Variants in LTBP1 observed in about 807,000 individuals in gnomAD.
LTBP1 encodes latent transforming growth factor beta binding protein 1.
A neutral mutation model predicts 207.6 loss-of-function variants in LTBP1; 129 were observed. The observed-to-expected ratio is 0.62, with a 90% confidence interval of 0.54 to 0.72. LTBP1 has a LOEUF of 0.72. LTBP1 is among the 30% of genes least tolerant of loss of function. LTBP1 has a pLI of 0.00. For missense variants in LTBP1, 2,281 were observed against 2,217.2 expected, an observed-to-expected ratio of 1.03 and a Z score of -0.58; for synonymous variants, 963 against 833.7, an observed-to-expected ratio of 1.16 and a Z score of -2.67.
chr2:33,143,813 T>C (rs1380410863), intron 5 of LTBP1, among the ~76,000 whole-genome samples: 2 of 151,630 alleles, frequency 1.3e-5, no homozygotes, highest in African/African-American at 2.4e-5. Context: ...TTTCCTATTA[T>C]ACCTCTAGTC....
intron 2 of LTBP1, among the ~76,000 whole-genome samples, chr2:32,993,241 A>C (rs1362295399): frequency 6.6e-6 from 1 of 152,060 alleles, no homozygotes; most frequent in Non-Finnish European, 1.5e-5. Context: ...GGTATGTGGA[A>C]AGCAGCCAGC....
At chr2:32,965,446 A>G (rs1271777665) in intron 2 of LTBP1, among the ~76,000 whole-genome samples, 2 of 152,154 alleles carry the variant, frequency 1.3e-5, no homozygotes, top group Admixed American at 6.5e-5. Flanking sequence ...GAATAGTTTC[A>G]CTGCCCTAAA....
At chr2:32,961,526 T>C (rs757454553) in intron 2 of LTBP1, among the ~76,000 whole-genome samples, 7 of 151,184 alleles carry the variant, frequency 4.6e-5, no homozygotes, top group Non-Finnish European at 8.8e-5. Flanking sequence ...TTTGGAACAT[T>C]TGTATGCTCT....
At chr2:33,093,422 C>T (rs946623812) in intron 3 of LTBP1, among the ~76,000 whole-genome samples, 1 of 152,028 alleles carries the variant, frequency 6.6e-6, no homozygotes. Context: ...AAAAAAATTA[C>T]ACAATTGGAA....
At chr2:33,158,142 A>C (rs1340346894) in intron 5 of LTBP1, among the ~76,000 whole-genome samples, 2 of 117,296 alleles carry the variant, frequency 1.7e-5, no homozygotes, top group African/African-American at 3.0e-5. Context: ...TGTCTCAAAA[A>C]AAAAACAAAA....
chr2:33,274,339 T>TC (rs1491155898), intron 16 of LTBP1, among the ~76,000 whole-genome samples: 4 of 48,392 alleles, frequency 8.3e-5, no homozygotes, highest in African/African-American at 1.8e-4. Flanking sequence ...TTAATTTCTC[T>TC]TTTTTTTTTT....
At chr2:33,017,685 C>T (rs756306405) in intron 2 of LTBP1, among the ~76,000 whole-genome samples, 5 of 152,166 alleles carry the variant, frequency 3.3e-5, no homozygotes, top group African/African-American at 9.7e-5. Flanking sequence ...GGCGCTATCT[C>T]GGCTCACTGC....
intron 7 of LTBP1, among the ~76,000 whole-genome samples, chr2:33,206,461 C>G (rs2089885685): frequency 6.6e-6 from 1 of 152,220 alleles, no homozygotes; most frequent in South Asian, 2.1e-4. Flanking sequence ...GCATTGGAGG[C>G]CAGGCACAGT....
chr2:33,328,605 A>G (rs1376724239), intron 24 of LTBP1, among the ~76,000 whole-genome samples: 1 of 152,128 alleles, frequency 6.6e-6, no homozygotes, highest in Non-Finnish European at 1.5e-5. Context: ...GTCTCATGAG[A>G]CTTACTCACT....
chr2:33,072,290 A>G (rs1041221214), intron 3 of LTBP1, among the ~76,000 whole-genome samples: 14 of 152,332 alleles, frequency 9.2e-5, no homozygotes, highest in Non-Finnish European at 1.8e-4. Flanking sequence ...ACCACCCTCC[A>G]GGCACCTCCA....
chr2:33,035,429 C>G (rs2075875307), intron 3 of LTBP1, among the ~76,000 whole-genome samples: 1 of 152,150 alleles, frequency 6.6e-6, no homozygotes, highest in Non-Finnish European at 1.5e-5. Flanking sequence ...TTTTCATAGG[C>G]TAAACTGTGT....
At chr2:33,043,310 C>T (rs2076283649) in intron 3 of LTBP1, among the ~76,000 whole-genome samples, 1 of 151,810 alleles carries the variant, frequency 6.6e-6, no homozygotes, top group Non-Finnish European at 1.5e-5. Context: ...AATAATTGGT[C>T]AAGAATTTTT....
chr2:33,018,867 A>AT (rs200416811), intron 2 of LTBP1, among the ~76,000 whole-genome samples: 11,581 of 146,724 alleles, frequency 0.079, 797 homozygotes, highest in East Asian at 0.28. Flanking sequence ...AGCTGGCTCC[A>AT]TTTTTTTTTT....
At chr2:33,183,908 G>A (rs1045926097) in intron 5 of LTBP1, among the ~76,000 whole-genome samples, 1 of 152,120 alleles carries the variant, frequency 6.6e-6, no homozygotes, top group African/African-American at 2.4e-5. Flanking sequence ...GTTTTGACTT[G>A]ATCTGCAGCC....
At chr2:33,038,432 A>C (rs1010872057) in intron 3 of LTBP1, among the ~76,000 whole-genome samples, 25 of 152,340 alleles carry the variant, frequency 1.6e-4, no homozygotes, top group African/African-American at 5.8e-4. Flanking sequence ...TAATCTAGGC[A>C]TCCAGAAATG....
chr2:33,176,571 T>C (rs956228614), intron 5 of LTBP1, among the ~76,000 whole-genome samples: 1 of 152,178 alleles, frequency 6.6e-6, no homozygotes, highest in Non-Finnish European at 1.5e-5. Context: ...TTGACGTTAT[T>C]GATTGACATA....
At chr2:33,381,385 A>G (rs2095212934) in intron 31 of LTBP1, among the ~76,000 whole-genome samples, 1 of 152,172 alleles carries the variant, frequency 6.6e-6, no homozygotes, top group African/African-American at 2.4e-5. Context: ...TCTGGGAGTA[A>G]CTAAAATGAG....
intron 3 of LTBP1, among the ~76,000 whole-genome samples, chr2:33,053,335 A>T (rs1328151884): frequency 1.3e-5 from 2 of 152,198 alleles, no homozygotes; most frequent in African/African-American, 4.8e-5. Flanking sequence ...GCTACAAATG[A>T]TGAACCTACA....
At chr2:33,072,421 C>T (rs1183123466) in intron 3 of LTBP1, among the ~76,000 whole-genome samples, 2 of 152,190 alleles carry the variant, frequency 1.3e-5, no homozygotes, top group Non-Finnish European at 2.9e-5. Context: ...TCCAGATTCT[C>T]AGCCTCTCTG....
Sources: gnomAD v4.1 joint callset for allele counts (sites outside exome capture counted in the v4.1 genomes callset) on GRCh38, gnomAD v4.1.1 for gene constraint, MANE v1.5 for transcripts, NCBI Gene and HGNC (gene_info 2026-07-23, HGNC 2026-07-21) for gene names.